Variants in PKD1 observed in about 807,000 individuals in gnomAD.
The protein encoded by PKD1 is polycystin 1, transient receptor potential channel interacting.
Under a neutral mutation model 361.7 loss-of-function variants are expected in PKD1, and 81 were observed. The ratio of observed to expected loss-of-function variants is 0.22; its 90% CI spans 0.19 to 0.27. The LOEUF (loss-of-function observed/expected upper bound fraction) is 0.27. Among genes scored for constraint, PKD1 ranks in the 10% least tolerant of loss-of-function variants. PKD1 has a pLI of 1.00. For synonymous variants in PKD1, 3,615 were observed against 2,818.3 expected, an observed-to-expected ratio of 1.28 and a Z score of -8.95; for missense variants, 6,399 against 6,118.3, an observed-to-expected ratio of 1.05 and a Z score of -1.53.
chr16:2,101,273 C>T (rs918850850), intron 26 of PKD1, among the ~76,000 whole-genome samples: 9 of 152,214 alleles, frequency 5.9e-5, no homozygotes, highest in Middle Eastern at 3.4e-3. Flanking sequence ...TGTGAGCCAC[C>T]GCGCCCGGCC....
intron 21 of PKD1, among the ~76,000 whole-genome samples, chr16:2,105,074 T>C (rs1271652795): frequency 9.6e-6 from 1 of 103,714 alleles, no homozygotes; most frequent in Non-Finnish European, 2.0e-5. Context: ...CAGAGCAGCA[T>C]CTTCTTAGTC....
intron 13 of PKD1, 137 bp downstream of exon 13, chr16:2,112,651 T>G (rs1390523692): frequency 9.0e-7 from 1 of 1,109,716 alleles, no homozygotes; most frequent in Admixed American, 2.0e-5. Flanking sequence ...AGGGCTCCTG[T>G]GCACCCAGTT....
intron 39 of PKD1, 52 bp from the exon 40 acceptor site, chr16:2,092,240 A>G: frequency 1.3e-6 from 2 of 1,536,344 alleles, no homozygotes; most frequent in East Asian, 2.5e-5. Flanking sequence ...AAAACCCAAC[A>G]GGAGTGTTTC....
At chr16:2,102,743 G>A (rs952351836) in intron 24 of PKD1, 71 bp downstream of exon 24, 9 of 1,603,660 alleles carry the variant, frequency 5.6e-6, no homozygotes, top group Non-Finnish European at 7.7e-6. Context: ...GTCCCCATGG[G>A]GCCAGTAACC....
At chr16:2,113,313 G>A (rs1169003194) in intron 11 of PKD1, 21 bp from the exon 12 acceptor site, 5 of 1,595,290 alleles carry the variant, frequency 3.1e-6, no homozygotes, top group Admixed American at 1.7e-5. Context: ...AATGGTGTCA[G>A]CCTGGGCTCT....
rs532992498 is a variant in PKD1 at position 2,108,313 on chromosome 16, T to C, written c.6854A>G (p.Asn2285Ser). ...VLDGSESYDP[N>S]LEDGDQTPLS... ...CGGCGTCTGGTCGCCGTCCTCCAGG[T>C]TGGGGTCGTAGGACTCGCTCCCATC... The change falls in exon 15 of 46, where the codon AAC becomes AGC. Residue 2285 changes from asparagine to serine, a missense_variant. Asn to Ser is a conservative substitution (Grantham distance 46). Transcript: ENST00000262304. The C allele has an allele frequency of 1.1e-5, 18 of 1,602,684 alleles. 2 individuals are homozygous for C. The South Asian group carries it at 1.3e-4, about 12-fold the overall frequency.
At chr16:2,115,812 C>A (rs116584629) in intron 9 of PKD1, among the ~76,000 whole-genome samples, 180 bp downstream of exon 9, 4,460 of 152,312 alleles carry the variant, frequency 0.029, 243 homozygotes, top group African/African-American at 0.1. Context: ...CCCAGGCAGG[C>A]CCCACCCAAT....
chr16:2,091,993 GAGA>G, intron 40 of PKD1, 51 bp downstream of exon 40: 1 of 1,612,418 alleles, frequency 6.2e-7, no homozygotes, highest in Non-Finnish European at 8.5e-7. Context: ...GGCACTCCTG[GAGA>G]ACTACTCCCT....
chr16:2,111,213 G>A lies in PKD1; in HGVS notation c.3954C>T (p.Thr1318=), dbSNP rs375741074. The change falls in exon 15 of 46, where the codon ACC becomes ACT. Residue 1318 remains threonine, a synonymous_variant. Transcript: ENST00000262304. ...CGAAGAGGTAGTGGGCCGGGTTCCC[G>A]GTGACGTAGGCCGTGAGCCGCGCGT... ...QPDARLTAYV[T]GNPAHYLFDW... is the part of the protein sequence containing the mutation. 8.7e-6 allele frequency: 14 copies of A among 1,611,160 alleles called. No homozygotes were observed. In the Admixed American group the frequency reaches 1.2e-4, roughly 13 times the overall value.
chr16:2,124,422 G>A (rs1011261562), intron 1 of PKD1, among the ~76,000 whole-genome samples: 4 of 152,262 alleles, frequency 2.6e-5, no homozygotes, highest in Admixed American at 2.6e-4. Context: ...GGTGAAGCCT[G>A]AGGCTGGCAG....
At position 2,093,599 on chromosome 16, in the gene PKD1, A is replaced by T. The variant is rs1555446828; in HGVS notation, c.10961T>A (p.Leu3654His). The T allele has an allele frequency of 1.2e-6, 2 of 1,609,132 alleles. No homozygotes were observed. Among genetic ancestry groups the T allele is most frequent in the Middle Eastern group, 3.3e-4 (2 of 6,056 alleles). The stretch of plus-strand genomic sequence containing the variant: ...GCGGGCTTCTTCCTTGGCCAGGAAG[A>T]GTGCAAAGCCGTGGGGTGGCCGTAC... ...PRVRPPHGFALFLAKEEARKV... is the reference protein window; with the variant it reads ...PRVRPPHGFAHFLAKEEARKV... The change falls in exon 37 of 46, where the codon CTC becomes CAC. Residue 3654 changes from leucine to histidine, a missense_variant. By Grantham distance (99) the Leu-to-His change is moderately conservative. Transcript: ENST00000262304.
At position 2,089,809 on chromosome 16, in the gene PKD1, G is replaced by T. The variant is rs2091380309; in HGVS notation, c.12830C>A (p.Ala4277Asp). 1.2e-6 allele frequency: 2 copies of T among 1,600,344 alleles called. No homozygotes were observed. The highest frequency in any genetic ancestry group is 1.7e-6 in the Non-Finnish European group (2 of 1,174,250). The change falls in exon 46 of 46, where the codon GCC (alanine) becomes GAC (aspartate). Residue 4277 changes from alanine to aspartate, a missense_variant. Transcript: ENST00000262304. ...RPALPSRLAR[A>D]SRGVDLATGP... ...AGTGGCCAGGTCCACACCCCGACTG[G>T]CCCGGGCAAGGCGGCTGGGCAGTGC... is the stretch of plus-strand genomic sequence containing the variant.
chr16:2,090,583 G>A lies in PKD1; in HGVS notation c.12146C>T (p.Ser4049Phe), dbSNP rs757666977. Reference protein sequence around the residue: ...AYAQLAILLVSSCVDSLWSVA... With the variant: ...AYAQLAILLVFSCVDSLWSVA... ...GCTCCAGAGGGAGTCCACACAGGAA[G>A]ACACGAGCTGCGGGGAAGGCGACAC... Residue 4049 changes from serine (S) to phenylalanine (F), a missense_variant, in exon 45 of 46, where the codon TCT becomes TTT. Transcript: ENST00000262304. 20 of 1,608,598 alleles carry A rather than the reference G, an allele frequency of 1.2e-5. No individual in the cohort carries two copies. Among genetic ancestry groups the A allele is most frequent in the Non-Finnish European group, 1.6e-5 (19 of 1,179,760 alleles).
rs761949040 is a variant in PKD1, at chr16:2,092,456, T to C, written c.11269+24A>G. The C allele has an allele frequency of 1.3e-5, 20 of 1,483,224 alleles. No individual in the cohort carries two copies. In the South Asian group the frequency reaches 2.3e-4, roughly 17 times the overall value. The allele number at this position is 1,483,224 out of a possible 1,614,324, so 91.9% of individuals were successfully genotyped here. A position where few individuals can be genotyped will look rare whatever the true frequency, so the allele number is the denominator to read the frequency against. ...CTCAACAAGAGGAACGATTTAAGTC[T>C]TGGGGCACGCCCTGCCAGCTCACCT... On this transcript the variant is annotated intron_variant, in intron 39 of 45. Transcript: ENST00000262304.
chr16:2,132,250 CAAAA>C (rs1242007495), intron 1 of PKD1, among the ~76,000 whole-genome samples: 1 of 108,654 alleles, frequency 9.2e-6, no homozygotes. Flanking sequence ...AACTCCGTCT[CAAAA>C]AAAAAAAAAA....
chr16:2,100,322 A>C lies in PKD1; in HGVS notation c.9569-13T>G, dbSNP rs11248911. 3.7e-6 allele frequency: 6 copies of C among 1,604,350 alleles called. No individual in the cohort carries two copies. The highest frequency in any genetic ancestry group is 1.7e-5 in the Admixed American group (1 of 59,994). ...GCAGGGCTGAGCCCTGCAGAGGCGC[A>C]GGAGGGAGGTCAGGCTCGCAGGGCG... On this transcript the variant is annotated splice_polypyrimidine_tract_variant and intron_variant, in intron 27 of 45. Transcript: ENST00000262304. The surrounding 1 kb of genome is among the most constrained non-coding windows in gnomAD (Gnocchi z 4.4).
chr16:2,118,786 G>A lies in PKD1; in HGVS notation c.419C>T (p.Ala140Val), dbSNP rs758309702. Residue 140 changes from alanine to valine, a missense_variant, in exon 4 of 46, where the codon GCG (alanine) becomes GTG (valine). Physicochemically the swap from Ala to Val is moderately conservative, Grantham distance 64. Transcript: ENST00000262304. The surrounding 1 kb of genome is among the most constrained non-coding windows in gnomAD (Gnocchi z 6.0). ...CACCACCCGCACCTGCTGCTCCTCC[G>A]CCCATCGCGGCAGCCACGCCAGGCC... ...DCGLAWLPRW[A>V]EEQQVRVVQP... 9.7e-5 allele frequency: 145 copies of A among 1,489,886 alleles called. No individual in the cohort carries two copies. Among genetic ancestry groups the A allele is most frequent in the East Asian group, 5.0e-4 (22 of 44,250 alleles). 92.3% of individuals were successfully genotyped at this position (1,489,886 alleles called of 1,614,324 possible).
At chr16:2,124,330 T>TGC (rs2092766150) in intron 1 of PKD1, among the ~76,000 whole-genome samples, 1 of 152,188 alleles carries the variant, frequency 6.6e-6, no homozygotes, top group African/African-American at 2.4e-5. Flanking sequence ...CCCTGGAGCC[T>TGC]CGGCCCCTCA....
chr16:2,105,742 G>C, intron 20 of PKD1, 123 bp downstream of exon 20: 1 of 1,314,618 alleles, frequency 7.6e-7, no homozygotes, highest in Non-Finnish European at 1.1e-6. Context: ...GCTGCTTCAG[G>C]GTCACTGGGA....
Sources: gnomAD v4.1 joint callset for allele counts (sites outside exome capture counted in the v4.1 genomes callset) on GRCh38, gnomAD v4.1.1 for gene constraint, Gnocchi (gnomAD v3.1) non-coding constraint, MANE v1.5 for transcripts, NCBI Gene and HGNC (gene_info 2026-07-23, HGNC 2026-07-21) for gene names.